EXOC5: variants seen among roughly 807,000 people sequenced by gnomAD.
EXOC5 encodes the protein SEC10-like 1.
Under a neutral mutation model 90.8 loss-of-function variants are expected in EXOC5, and 17 were observed. That is an observed-to-expected ratio of 0.19 (90% CI 0.13 to 0.28). The LOEUF is 0.28. Ranked by LOEUF, EXOC5 falls within the 10% of genes least tolerant of loss-of-function variation. The probability of loss-of-function intolerance (pLI) is 1.00; values close to 1 mark genes in which losing one functional copy is unlikely to be tolerated. For missense variants in EXOC5, 569 were observed against 830.6 expected (o/e 0.69, Z 3.87); for synonymous variants, 260 against 270.0 (o/e 0.96, Z 0.36).
chr14:57,259,753 G>A (rs1884447685), intron 1 of EXOC5, among the ~76,000 whole-genome samples: 1 of 152,098 alleles, frequency 6.6e-6, no homozygotes, highest in African/African-American at 2.4e-5. Flanking sequence ...TTGTCATTTT[G>A]TCATTTATTG....
intron 1 of EXOC5, among the ~76,000 whole-genome samples, chr14:57,252,397 G>A (rs1327023055): frequency 1.3e-5 from 2 of 152,082 alleles, no homozygotes; most frequent in Non-Finnish European, 2.9e-5. Context: ...CTATACATCT[G>A]ATAAGGGGTT....
intron 15 of EXOC5, 31 bp from the exon 16 acceptor site, chr14:57,210,092 C>T (rs367951559): frequency 3.5e-5 from 36 of 1,019,818 alleles, no homozygotes; most frequent in Non-Finnish European, 5.5e-5. Flanking sequence ...CATTCTTTAA[C>T]CCATCTAACT....
intron 4 of EXOC5, among the ~76,000 whole-genome samples, chr14:57,239,861 T>C (rs1883804395): frequency 6.6e-6 from 1 of 152,138 alleles, no homozygotes; most frequent in South Asian, 2.1e-4. Flanking sequence ...GAGTCAATAA[T>C]AACATAAACA....
At chr14:57,266,837 T>C (rs1046785760) in intron 1 of EXOC5, among the ~76,000 whole-genome samples, 6 of 150,828 alleles carry the variant, frequency 4.0e-5, no homozygotes, top group African/African-American at 2.4e-5. Flanking sequence ...CCTTCCCCGC[T>C]AGGGAGAGGG....
intron 1 of EXOC5, among the ~76,000 whole-genome samples, chr14:57,265,026 A>C (rs980547902): frequency 6.6e-6 from 1 of 152,178 alleles, no homozygotes; most frequent in Admixed American, 6.5e-5. Context: ...ATGGTGAAAA[A>C]AGTTGGGGAA....
rs576897183 is a variant in EXOC5 at position 57,234,126 on chromosome 14, A to G, written c.670-94T>C. On this transcript the variant is annotated intron_variant, in intron 7 of 17. Coordinates refer to ENST00000621441, the MANE Select transcript of EXOC5 (RefSeq NM_006544.4). ...TGTTATATGTCATAAAGCTATGACTATTTACCAGTAAATGGCCAATAGCAA... is the reference window on the plus strand; with the variant it reads ...TGTTATATGTCATAAAGCTATGACTGTTTACCAGTAAATGGCCAATAGCAA... 1.8e-5 allele frequency: 17 copies of G among 933,490 alleles called. No homozygotes were observed. The South Asian group carries it at 2.0e-4, about 11-fold the overall frequency. The allele number at this position is 933,490 out of a possible 1,614,324, so 57.8% of individuals were successfully genotyped here.
chr14:57,224,566 G>A (rs1268664547), intron 12 of EXOC5, among the ~76,000 whole-genome samples: 1 of 152,112 alleles, frequency 6.6e-6, no homozygotes, highest in African/African-American at 2.4e-5. Flanking sequence ...TACTAAAGAA[G>A]TTGAATTTGT....
Position 57,229,726 on chromosome 14 carries a change from A to C in EXOC5, c.1296+8T>G. On this transcript the variant is annotated splice_region_variant and intron_variant, in intron 12 of 17. Coordinates refer to ENST00000621441, the MANE Select transcript of EXOC5 (RefSeq NM_006544.4). Reference sequence around the variant, plus strand: ...GTATATGTAAAATACATTTACAATCACTCTTACCCTATGACATCTTTCAAA... The same window carrying C: ...GTATATGTAAAATACATTTACAATCCCTCTTACCCTATGACATCTTTCAAA... 1 of 1,459,092 alleles carries C rather than the reference A, an allele frequency of 6.9e-7. No homozygotes were observed. Among genetic ancestry groups the C allele is most frequent in the Non-Finnish European group, 9.2e-7 (1 of 1,087,586 alleles). The allele number at this position is 1,459,092 out of a possible 1,614,324, so 90.4% of individuals were successfully genotyped here. A position where few individuals can be genotyped will look rare whatever the true frequency, so the allele number is the denominator to read the frequency against.
In EXOC5 at chr14:57,201,435, CA is replaced by C. The variant is rs1426604015; in HGVS notation, c.*7173del. On this transcript the variant is annotated 3_prime_UTR_variant, in exon 18 of 18. Coordinates refer to ENST00000621441, the MANE Select transcript of EXOC5 (RefSeq NM_006544.4). ...TCTGATTAGTATATATATATACACA[CA>C]CACACGTGTGTATATATACACACGC... The C allele has an allele frequency of 6.9e-6, 1 of 144,510 alleles. No individual in the cohort carries two copies. Among genetic ancestry groups the C allele is most frequent in the African/African-American group, 2.6e-5 (1 of 38,478 alleles). 9.0% of individuals were successfully genotyped at this position (144,510 alleles called of 1,614,324 possible).
At position 57,201,848 on chromosome 14, in the gene EXOC5, G is replaced by A. The variant is rs565570293; in HGVS notation, c.*6761C>T. On this transcript the variant is annotated 3_prime_UTR_variant, in exon 18 of 18. Transcript: ENST00000621441. ...TGCAGTGAGCTGAGATCACGCCACC[G>A]CACTCCAGCTTGGGCAACAGAGCGA... The A allele has an allele frequency of 6.7e-4, 102 of 152,070 alleles. No homozygotes were observed. The highest frequency in any genetic ancestry group is 2.3e-3 in the African/African-American group (96 of 41,438). The allele number at this position is 152,070 out of a possible 1,614,324, so 9.4% of individuals were successfully genotyped here.
chr14:57,238,559 T>C (rs1429940041), intron 5 of EXOC5, among the ~76,000 whole-genome samples: 1 of 151,792 alleles, frequency 6.6e-6, no homozygotes, highest in Non-Finnish European at 1.5e-5. Flanking sequence ...AGTCCAATTC[T>C]GAAATGACAT....
Position 57,208,590 on chromosome 14 carries a change from T to C in EXOC5, c.*19A>G, listed in dbSNP as rs374275181. The C allele has an allele frequency of 8.3e-5, 131 of 1,580,396 alleles. No homozygotes were observed. The highest frequency in any genetic ancestry group is 3.9e-4 in the African/African-American group (29 of 74,472). Reference sequence around the variant, plus strand: ...CCTCTGTAAAGGAACTGACACTGAATTCCTTTGTAAATTCAATCTCAGCTG... The same window carrying C: ...CCTCTGTAAAGGAACTGACACTGAACTCCTTTGTAAATTCAATCTCAGCTG... On this transcript the variant is annotated 3_prime_UTR_variant, in exon 18 of 18. Transcript: ENST00000621441.
At position 57,268,866 on chromosome 14, in the gene EXOC5, T is replaced by A. The variant is rs1197901140; in HGVS notation, c.-218A>T. The A allele has an allele frequency of 6.4e-6, 8 of 1,255,184 alleles. No individual in the cohort carries two copies. Among genetic ancestry groups the A allele is most frequent in the Non-Finnish European group, 7.4e-6 (7 of 951,994 alleles). The allele number at this position is 1,255,184 out of a possible 1,614,324, so 77.8% of individuals were successfully genotyped here. On this transcript the variant is annotated 5_prime_UTR_variant, in exon 1 of 18. Coordinates refer to ENST00000621441, the MANE Select transcript of EXOC5 (RefSeq NM_006544.4). Reference sequence around the variant, plus strand: ...AGCTGCCTCCCGGCGCCGCCCGCGCTGCTCCCATTGTCACCGCCTCATACG... The same window carrying A: ...AGCTGCCTCCCGGCGCCGCCCGCGCAGCTCCCATTGTCACCGCCTCATACG...
At chr14:57,262,721 G>GTA (rs1251228284) in intron 1 of EXOC5, among the ~76,000 whole-genome samples, 2 of 147,930 alleles carry the variant, frequency 1.4e-5, no homozygotes, top group African/African-American at 2.5e-5. Flanking sequence ...ATATATGTGT[G>GTA]TGTATATATA....
At chr14:57,234,535 G>A (rs1191417350) in intron 7 of EXOC5, among the ~76,000 whole-genome samples, 2 of 146,502 alleles carry the variant, frequency 1.4e-5, no homozygotes, top group African/African-American at 5.1e-5. Flanking sequence ...GTGTGTGTGT[G>A]TGTATATATA....
intron 12 of EXOC5, among the ~76,000 whole-genome samples, chr14:57,224,586 T>C (rs1328438161): frequency 2.0e-5 from 3 of 152,114 alleles, no homozygotes; most frequent in Non-Finnish European, 4.4e-5. Context: ...TAGTTTAAAA[T>C]CCTCACACAC....
intron 12 of EXOC5, among the ~76,000 whole-genome samples, chr14:57,225,882 C>A (rs1472961611): frequency 1.3e-5 from 2 of 152,172 alleles, no homozygotes; most frequent in African/African-American, 4.8e-5. Flanking sequence ...TGAGAAGGTG[C>A]TTCCAGGTTA....
intron 11 of EXOC5, among the ~76,000 whole-genome samples, chr14:57,230,477 T>A (rs1399338707): frequency 6.6e-6 from 1 of 151,746 alleles, no homozygotes; most frequent in Non-Finnish European, 1.5e-5. Flanking sequence ...TATTCATTAG[T>A]TTTCCTCTTC....
chr14:57,245,814 A>T (rs1566502001), intron 3 of EXOC5, among the ~76,000 whole-genome samples: 2 of 152,138 alleles, frequency 1.3e-5, no homozygotes, highest in Non-Finnish European at 2.9e-5. Context: ...GCACTTTGGG[A>T]GGCCGAGGCA....
Sources: gnomAD v4.1 joint callset for allele counts (sites outside exome capture counted in the v4.1 genomes callset) on GRCh38, gnomAD v4.1.1 for gene constraint, MANE v1.5 for transcripts, NCBI Gene and HGNC (gene_info 2026-07-23, HGNC 2026-07-21) for gene names.